The following B3GALT1 variants were observed in gnomAD, a reference collection of about 807,000 sequenced individuals.
The protein encoded by B3GALT1 is UDP-Gal:betaGlcNAc beta 1,3-galactosyltransferase, polypeptide 1.
Under a neutral mutation model 23.2 loss-of-function variants are expected in B3GALT1, and 10 were observed. That is an observed-to-expected ratio of 0.43 (90% CI 0.27 to 0.73). The LOEUF (loss-of-function observed/expected upper bound fraction) is 0.73, where lower values mean the gene tolerates loss of function less well. Ranked by LOEUF, B3GALT1 falls within the 30% of genes least tolerant of loss-of-function variation. The pLI is 0.21. For missense variants in B3GALT1, 299 were observed against 405.4 expected (o/e 0.74, Z 2.25); for synonymous variants, 156 against 141.5 (o/e 1.10, Z -0.73).
intron 1 of B3GALT1, among the ~76,000 whole-genome samples, chr2:167,485,622 T>C (rs921315951): frequency 2.0e-5 from 3 of 152,198 alleles, no homozygotes; most frequent in Non-Finnish European, 2.9e-5. Context: ...ACGAAGTTAA[T>C]TTAGAGGAAT....
intron 1 of B3GALT1, among the ~76,000 whole-genome samples, chr2:167,369,286 A>G (rs1479158084): frequency 6.6e-6 from 1 of 152,106 alleles, no homozygotes; most frequent in Admixed American, 6.6e-5. Flanking sequence ...GCCTCTTACT[A>G]TCTCCATATT....
intron 3 of B3GALT1, among the ~76,000 whole-genome samples, chr2:167,720,837 C>A (rs1687220048): frequency 6.6e-6 from 1 of 152,208 alleles, no homozygotes; most frequent in Non-Finnish European, 1.5e-5. Context: ...ATGGGGCTTT[C>A]TGACTGGCAT....
chr2:167,850,222 A>C (rs73021272), intron 4 of B3GALT1, among the ~76,000 whole-genome samples: 8,685 of 152,250 alleles, frequency 0.057, 327 homozygotes, highest in African/African-American at 0.1. Context: ...ATCCCACAAA[A>C]AGTGGGCTTA....
At chr2:167,507,998 C>T (rs149575816) in intron 2 of B3GALT1, among the ~76,000 whole-genome samples, 157 of 152,198 alleles carry the variant, frequency 1.0e-3, no homozygotes, top group African/African-American at 3.4e-3. Flanking sequence ...TACAGACTGC[C>T]GACTTCTCTT....
At chr2:167,821,933 G>A (rs113972460) in intron 4 of B3GALT1, among the ~76,000 whole-genome samples, 2,802 of 152,280 alleles carry the variant, frequency 0.018, 30 homozygotes, top group Non-Finnish European at 0.03. Flanking sequence ...TTGGGAAGGG[G>A]AAAGGAAATG....
intron 2 of B3GALT1, among the ~76,000 whole-genome samples, chr2:167,504,631 AAC>A (rs1412563240): frequency 2.0e-5 from 3 of 150,808 alleles, no homozygotes; most frequent in Admixed American, 6.7e-5. Context: ...TGTGCAACAT[AAC>A]ACAGTCATAC....
At chr2:167,556,631 A>C (rs1327650584) in intron 2 of B3GALT1, among the ~76,000 whole-genome samples, 1 of 152,192 alleles carries the variant, frequency 6.6e-6, no homozygotes, top group Non-Finnish European at 1.5e-5. Flanking sequence ...ATCTAGAGCT[A>C]AGACAATGAA....
chr2:167,404,141 T>TG (rs1698238083), intron 1 of B3GALT1, among the ~76,000 whole-genome samples: 1 of 152,016 alleles, frequency 6.6e-6, no homozygotes, highest in Non-Finnish European at 1.5e-5. Context: ...GGAGAGCCAG[T>TG]GTTTGAGAGA....
chr2:167,863,008 G>T (rs765077628), intron 4 of B3GALT1, among the ~76,000 whole-genome samples: 1 of 152,202 alleles, frequency 6.6e-6, no homozygotes, highest in Non-Finnish European at 1.5e-5. Flanking sequence ...TGTGTCATCA[G>T]TGTCTGTGGC....
intron 1 of B3GALT1, among the ~76,000 whole-genome samples, chr2:167,462,786 TCATTATAACA>T (rs1308367155): frequency 1.3e-5 from 2 of 152,212 alleles, no homozygotes; most frequent in Admixed American, 6.5e-5. Context: ...AATCTTTAGC[TCATTATAACA>T]CATTATATAT....
intron 1 of B3GALT1, among the ~76,000 whole-genome samples, chr2:167,350,445 G>C (rs1033062985): frequency 3.3e-5 from 5 of 152,080 alleles, no homozygotes; most frequent in East Asian, 1.9e-4. Context: ...CTGAGCAAAG[G>C]GTTCATACAC....
chr2:167,703,438 GT>G (rs1276434364), intron 3 of B3GALT1, among the ~76,000 whole-genome samples: 1 of 152,212 alleles, frequency 6.6e-6, no homozygotes, highest in East Asian at 1.9e-4. Context: ...GAAAAGCCTA[GT>G]CCTGGGAAAC....
chr2:167,414,519 C>T (rs1698438568), intron 1 of B3GALT1, among the ~76,000 whole-genome samples: 1 of 152,030 alleles, frequency 6.6e-6, no homozygotes, highest in African/African-American at 2.4e-5. Context: ...TGGTTCAGTG[C>T]TTTTTATAAG....
rs759898959 is a variant in B3GALT1, at chr2:167,818,795, T to C, written c.-230+2T>C. Among the ~76,000 whole-genome samples, 4 of 152,094 alleles carry C rather than the reference T, an allele frequency of 2.6e-5. No individual in the cohort carries two copies. The highest frequency in any genetic ancestry group is 4.4e-5 in the Non-Finnish European group (3 of 68,016). On this transcript the variant is annotated splice_donor_variant, in intron 4 of 4. Coordinates refer to ENST00000392690, the MANE Select transcript of B3GALT1 (RefSeq NM_020981.4). LOFTEE classifies it low-confidence loss of function (5UTR_SPLICE). The stretch of plus-strand genomic sequence containing the variant: ...AACACAGCACGCTGGAGCCAACAGG[T>C]AGGCGAGAAACCAGGTAGGCGAGAA...
intron 3 of B3GALT1, among the ~76,000 whole-genome samples, chr2:167,807,168 T>C (rs573723870): frequency 1.1e-4 from 17 of 152,344 alleles, no homozygotes; most frequent in African/African-American, 3.8e-4. Context: ...ATATCCCCTT[T>C]ATCATTTTTT....
At chr2:167,547,425 G>A (rs867349583) in intron 2 of B3GALT1, among the ~76,000 whole-genome samples, 4 of 152,112 alleles carry the variant, frequency 2.6e-5, no homozygotes, top group South Asian at 4.1e-4. Flanking sequence ...GGCCGGGCGC[G>A]GTGGCCCACG....
In B3GALT1 at chr2:167,646,966, C is replaced by T. The variant is rs1685757674; in HGVS notation, c.-352C>T. Among the ~76,000 whole-genome samples the T allele has an allele frequency of 6.6e-6, 1 of 152,184 alleles. No homozygotes were observed. The highest frequency in any genetic ancestry group is 2.4e-5 in the African/African-American group (1 of 41,514). Reference sequence around the variant, plus strand: ...GTTCTGGAGATCGCCTCTTTGAAAGCGTAAGTGTAAAGTTTATTTGGCTTA... The same window carrying T: ...GTTCTGGAGATCGCCTCTTTGAAAGTGTAAGTGTAAAGTTTATTTGGCTTA... On this transcript the variant is annotated splice_region_variant and 5_prime_UTR_variant, in exon 3 of 5. Transcript: ENST00000392690.
At chr2:167,602,668 A>G (rs1180943850) in intron 2 of B3GALT1, among the ~76,000 whole-genome samples, 4 of 152,164 alleles carry the variant, frequency 2.6e-5, no homozygotes, top group Non-Finnish European at 1.5e-5. Context: ...GGAACAGTGG[A>G]TTAAATATTT....
intron 1 of B3GALT1, among the ~76,000 whole-genome samples, chr2:167,456,991 C>T (rs1218526422): frequency 6.6e-6 from 1 of 152,116 alleles, no homozygotes; most frequent in African/African-American, 2.4e-5. Context: ...TTCTGGCAAC[C>T]AGATCCAATC....
Sources: allele counts gnomAD v4.1 joint callset (sites outside exome capture counted in the v4.1 genomes callset), GRCh38; gene constraint gnomAD v4.1.1; transcripts MANE v1.5; gene names NCBI Gene and HGNC (gene_info 2026-07-23, HGNC 2026-07-21).